The following HIP1 variants were observed in gnomAD, a reference collection of about 807,000 sequenced individuals.
HIP1 encodes huntingtin interacting protein 1, also known as huntingtin-interacting protein 1.
Under a neutral mutation model 147.6 loss-of-function variants are expected in HIP1, and 65 were observed. That is an observed-to-expected ratio of 0.44 (90% CI 0.36 to 0.54). HIP1 has a LOEUF of 0.54. HIP1 is among the 20% of genes least tolerant of loss of function. The probability of loss-of-function intolerance (pLI) is 0.00; values close to 1 mark genes in which losing one functional copy is unlikely to be tolerated. For missense variants in HIP1, 1,061 were observed against 1,299.6 expected (o/e 0.82, Z 2.82); for synonymous variants, 479 against 504.0 (o/e 0.95, Z 0.67).
chr7:75,615,509 G>A (rs1195142922), intron 1 of HIP1, among the ~76,000 whole-genome samples: 3 of 151,214 alleles, frequency 2.0e-5, no homozygotes, highest in African/African-American at 7.3e-5. Flanking sequence ...CTATGACTGT[G>A]CCACTGCACT....
chr7:75,582,101 C>T lies in HIP1; in HGVS notation c.516G>A (p.Glu172=). ...AGTTGTTCACGTCACTTTCTCCAGCCTCGTCCAGCTGGCGGTCACTCATCT... is the reference window on the plus strand; with the variant it reads ...AGTTGTTCACGTCACTTTCTCCAGCTTCGTCCAGCTGGCGGTCACTCATCT... ...NLQMSDRQLD[E]AGESDVNNFF... The change falls in exon 6 of 31, where the codon GAG becomes GAA. Residue 172 remains glutamate (E), a synonymous_variant. Coordinates refer to ENST00000336926, the MANE Select transcript of HIP1 (RefSeq NM_005338.7). 3 of 1,614,004 alleles carry T rather than the reference C, an allele frequency of 1.9e-6. No individual in the cohort carries two copies. The highest frequency in any genetic ancestry group is 2.5e-6 in the Non-Finnish European group (3 of 1,179,956).
rs1000996471 is a variant in HIP1, at chr7:75,533,301, C to T, written c.*4871G>A. On this transcript the variant is annotated 3_prime_UTR_variant, in exon 31 of 31. Coordinates refer to ENST00000336926, the MANE Select transcript of HIP1 (RefSeq NM_005338.7). ...GGTCAATCACCACCACGCTCCATTG[C>T]CAGGCGGAAATATTTATTTGAAAAA... 3 of 202,206 alleles carry T rather than the reference C, an allele frequency of 1.5e-5. No homozygotes were observed. The highest frequency in any genetic ancestry group is 3.0e-5 in the Non-Finnish European group (3 of 98,420). The allele number at this position is 202,206 out of a possible 1,614,324, so 12.5% of individuals were successfully genotyped here.
intron 1 of HIP1, among the ~76,000 whole-genome samples, chr7:75,699,210 A>G (rs1425898189): frequency 3.3e-5 from 5 of 152,066 alleles, no homozygotes; most frequent in African/African-American, 1.2e-4. Flanking sequence ...CTCCCAAGTA[A>G]CTAGGACTAT....
intron 1 of HIP1, among the ~76,000 whole-genome samples, chr7:75,640,325 G>C (rs1392354677): frequency 6.6e-6 from 1 of 152,194 alleles, no homozygotes; most frequent in Non-Finnish European, 1.5e-5. Context: ...TCACACACCC[G>C]GCAGGGACTG....
At chr7:75,577,868 C>T (rs1389242083) in intron 7 of HIP1, among the ~76,000 whole-genome samples, 1 of 152,112 alleles carries the variant, frequency 6.6e-6, no homozygotes, top group Non-Finnish European at 1.5e-5. Context: ...GGCGTGGTGG[C>T]ACACACCTGT....
intron 1 of HIP1, among the ~76,000 whole-genome samples, chr7:75,624,739 C>T (rs368716605): frequency 5.9e-5 from 9 of 152,150 alleles, no homozygotes; most frequent in East Asian, 3.9e-4. Flanking sequence ...TTCCCAAATA[C>T]GTCCTGTCTA....
intron 7 of HIP1, among the ~76,000 whole-genome samples, chr7:75,576,316 G>C (rs1554497678): frequency 6.6e-6 from 1 of 152,154 alleles, no homozygotes; most frequent in East Asian, 1.9e-4. Flanking sequence ...GGATCACCTG[G>C]GGAAACTGAA....
intron 1 of HIP1, among the ~76,000 whole-genome samples, chr7:75,723,513 A>G (rs1414665569): frequency 2.0e-5 from 3 of 152,192 alleles, no homozygotes; most frequent in Admixed American, 6.5e-5. Context: ...ATCTGCTTCC[A>G]AGTTCATTCA....
Position 75,568,220 on chromosome 7 carries a change from C to T in HIP1, c.782G>A (p.Arg261His), listed in dbSNP as rs782284861. The T allele has an allele frequency of 3.7e-6, 6 of 1,612,694 alleles. No homozygotes were observed. Among genetic ancestry groups the T allele is most frequent in the Non-Finnish European group, 5.1e-6 (6 of 1,178,764 alleles). ...TTACTTTGTAAACTGCTCCATGAAG[C>T]GGTCCCGGTGGCCTTGCAGGGTGTC... ...PADTLQGHRD[R>H]FMEQFTKLKD... The change falls in exon 9 of 31, where the codon CGC (arginine) becomes CAC (histidine). Residue 261 changes from arginine to histidine, a missense_variant. By Grantham distance (29) the Arg-to-His change is conservative (BLOSUM62 0). Around this residue, in one of 3 missense-constraint regions of HIP1, gnomAD observed 26 missense variants for 59.9 expected, o/e 0.43. Coordinates refer to ENST00000336926, the MANE Select transcript of HIP1 (RefSeq NM_005338.7). This position sits in a 1 kb window ranked among gnomAD's most constrained non-coding sequence, Gnocchi z 4.1.
chr7:75,699,589 T>C (rs995515923), intron 1 of HIP1, among the ~76,000 whole-genome samples: 6 of 152,118 alleles, frequency 3.9e-5, no homozygotes, highest in African/African-American at 1.4e-4. Context: ...CCAAACAAAA[T>C]GGGCCCGCAA....
intron 30 of HIP1, 149 bp downstream of exon 30, chr7:75,539,174 A>G (rs768512105): frequency 3.6e-4 from 231 of 643,878 alleles, no homozygotes; most frequent in Non-Finnish European, 5.7e-4. Flanking sequence ...TTACAACGGA[A>G]GAGAAAACAG....
intron 29 of HIP1, among the ~76,000 whole-genome samples, chr7:75,540,432 CAAAAAA>C (rs57415264): frequency 7.9e-6 from 1 of 127,356 alleles, no homozygotes. Flanking sequence ...GACTCGGTCT[CAAAAAA>C]AAAAAAAAAA....
intron 1 of HIP1, among the ~76,000 whole-genome samples, chr7:75,718,228 A>T (rs868931107): frequency 3.3e-5 from 5 of 151,672 alleles, no homozygotes; most frequent in Admixed American, 1.3e-4. Context: ...GGTGGTGCAC[A>T]CTCCTGTAGT....
chr7:75,569,406 C>A (rs1326336717), intron 8 of HIP1, among the ~76,000 whole-genome samples: 1 of 151,956 alleles, frequency 6.6e-6, no homozygotes, highest in Non-Finnish European at 1.5e-5. Context: ...GAGTTTGAGA[C>A]CAGCCTGGGC....
At chr7:75,602,303 CTTTTTTTTTTTT>C (rs67019261) in intron 1 of HIP1, among the ~76,000 whole-genome samples, 219 of 77,280 alleles carry the variant, frequency 2.8e-3, no homozygotes, top group Admixed American at 6.8e-3. Flanking sequence ...ACCTGGCCAG[CTTTTTTTTTTTT>C]TTTTTTTTTT....
Position 75,534,103 on chromosome 7 carries a change from C to G in HIP1, c.*4069G>C, listed in dbSNP as rs1342561929. The G allele has an allele frequency of 2.2e-5, 5 of 231,366 alleles. No individual in the cohort carries two copies. Among genetic ancestry groups the G allele is most frequent in the Non-Finnish European group, 4.3e-5 (5 of 116,880 alleles). 14.3% of individuals were successfully genotyped at this position (231,366 alleles called of 1,614,324 possible). A position where few individuals can be genotyped will look rare whatever the true frequency, so the allele number is the denominator to read the frequency against. ...TAAGGAGCTAAGAGGGAACTTCCAG[C>G]TGCAAGCTGAGAACTAGCTCCTGCA... On this transcript the variant is annotated 3_prime_UTR_variant, in exon 31 of 31. Coordinates refer to ENST00000336926, the MANE Select transcript of HIP1 (RefSeq NM_005338.7).
chr7:75,582,222 G>A (rs1449711514), intron 5 of HIP1, 71 bp from the exon 6 acceptor site: 3 of 1,201,848 alleles, frequency 2.5e-6, no homozygotes, highest in African/African-American at 1.5e-5. Flanking sequence ...GGGCGTGGTG[G>A]CACACGCCTG....
At chr7:75,726,273 AGT>A (rs1212206729) in intron 1 of HIP1, among the ~76,000 whole-genome samples, 4 of 140,764 alleles carry the variant, frequency 2.8e-5, no homozygotes, top group African/African-American at 1.1e-4. Context: ...TCCCACCTGC[AGT>A]GCCTGGGCAT....
At chr7:75,661,769 G>A (rs1328033036) in intron 1 of HIP1, among the ~76,000 whole-genome samples, 1 of 151,816 alleles carries the variant, frequency 6.6e-6, no homozygotes, top group Non-Finnish European at 1.5e-5. Flanking sequence ...AGTAACGCAG[G>A]CCTAAGTCCA....
Sources: allele counts gnomAD v4.1 joint callset (sites outside exome capture counted in the v4.1 genomes callset), GRCh38; gene constraint gnomAD v4.1.1; regional missense constraint gnomAD v4.1.1; non-coding constraint Gnocchi (gnomAD v3.1); transcripts MANE v1.5; gene names NCBI Gene and HGNC (gene_info 2026-07-23, HGNC 2026-07-21).